Variants in OTUD7A observed in about 807,000 individuals in gnomAD.
The protein encoded by OTUD7A is OTU deubiquitinase 7A.
A neutral mutation model predicts 65.7 loss-of-function variants in OTUD7A; 12 were observed. The ratio of observed to expected loss-of-function variants is 0.18; its 90% confidence interval spans 0.12 to 0.30. The LOEUF (loss-of-function observed/expected upper bound fraction) is 0.30, where lower values mean the gene tolerates loss of function less well. OTUD7A is among the 10% of genes least tolerant of loss of function. The pLI is 1.00. For missense variants in OTUD7A, 1,148 were observed against 1,304.8 expected (o/e 0.88, Z 1.85); for synonymous variants, 641 against 586.3 (o/e 1.09, Z -1.35).
At chr15:31,621,153 T>C (rs7167765) in intron 3 of OTUD7A, among the ~76,000 whole-genome samples, 90,119 of 151,038 alleles carry the variant, frequency 0.6, 28,930 homozygotes, top group East Asian at 0.91. Flanking sequence ...AATTTCTGTT[T>C]TTTTACATTT....
chr15:31,483,589 G>A lies in OTUD7A; in HGVS notation c.2507C>T (p.Ala836Val). The A allele has an allele frequency of 8.1e-7, 1 of 1,232,436 alleles. No individual in the cohort carries two copies. 76.3% of individuals were successfully genotyped at this position (1,232,436 alleles called of 1,614,324 possible). The change falls in exon 13 of 13, where the codon GCG becomes GTG. Residue 836 changes from alanine to valine, a missense_variant. This residue lies in a region of OTUD7A where 842 missense variants were observed against 769.5 expected (regional missense o/e 1.09). Transcript: ENST00000307050. ...TVNTVESLARAVPGALPGAAG... is the reference protein window; with the variant it reads ...TVNTVESLARVVPGALPGAAG... ...CGCGCCCGGTAGGGCCCCGGGCACC[G>A]CGCGCGCCAGCGACTCGACCGTGTT...
In OTUD7A at chr15:31,592,853, C is replaced by G. The variant is rs368892950; in HGVS notation, c.152-22656G>C. On this transcript the variant is annotated intron_variant, in intron 3 of 12. Coordinates refer to ENST00000307050, the MANE Select transcript of OTUD7A (RefSeq NM_001382637.1). ...CGAGATCGTGCCCCTGCGCTCCAGC[C>G]TGGGTGACAGAGCAAGGCTCTGTCT... Among the ~76,000 whole-genome samples the G allele has an allele frequency of 7.6e-4, 83 of 109,264 alleles. 1 individual carries two copies. Among genetic ancestry groups the G allele is most frequent in the African/African-American group, 2.6e-3 (70 of 27,286 alleles). 71.7% of individuals were successfully genotyped at this position (109,264 alleles called of 152,430 possible). A position where few individuals can be genotyped will look rare whatever the true frequency, so the allele number is the denominator to read the frequency against.
At position 31,481,011 on chromosome 15, in the gene OTUD7A, C is replaced by T. The variant is rs2041109525; in HGVS notation, c.*2283G>A. On this transcript the variant is annotated 3_prime_UTR_variant, in exon 13 of 13. Coordinates refer to ENST00000307050, the MANE Select transcript of OTUD7A (RefSeq NM_001382637.1). ...GGTGTTTTGATAATTACGTACTCTG[C>T]CTGGTTTGGAAGGTTTTCCTCTATT... 6.6e-6 allele frequency: 1 copy of T among 152,150 alleles called. No homozygotes were observed. Among genetic ancestry groups the T allele is most frequent in the Admixed American group, 6.5e-5 (1 of 15,276 alleles). 9.4% of individuals were successfully genotyped at this position (152,150 alleles called of 1,614,324 possible).
At chr15:31,548,198 A>AC (rs1356882233) in intron 5 of OTUD7A, among the ~76,000 whole-genome samples, 1 of 66,352 alleles carries the variant, frequency 1.5e-5, no homozygotes, top group Non-Finnish European at 4.8e-5. Context: ...CTCCCGGGCC[A>AC]CCCCCATCAT....
At chr15:31,740,595 A>G (rs529415694) in intron 1 of OTUD7A, among the ~76,000 whole-genome samples, 1 of 152,230 alleles carries the variant, frequency 6.6e-6, no homozygotes, top group Admixed American at 6.5e-5. Flanking sequence ...ATTGGTTTAA[A>G]AAAGAATCCA....
intron 1 of OTUD7A, among the ~76,000 whole-genome samples, chr15:31,681,658 ACTGT>A (rs1397801294): frequency 1.3e-5 from 2 of 151,562 alleles, no homozygotes; most frequent in Non-Finnish European, 2.9e-5. Context: ...TCTAATAATG[ACTGT>A]CTAATTTCTC....
intron 1 of OTUD7A, among the ~76,000 whole-genome samples, chr15:31,726,543 A>G (rs1036507395): frequency 1.9e-4 from 29 of 152,218 alleles, no homozygotes; most frequent in African/African-American, 6.0e-4. Context: ...TACGGACAGA[A>G]TGTTATTGTA....
chr15:31,663,964 G>T (rs1892246975), intron 1 of OTUD7A, among the ~76,000 whole-genome samples: 1 of 152,096 alleles, frequency 6.6e-6, no homozygotes, highest in African/African-American at 2.4e-5. Flanking sequence ...TAGAATAATA[G>T]TCTCCAGTCT....
chr15:31,524,350 C>A (rs1265603943), intron 8 of OTUD7A, among the ~76,000 whole-genome samples: 1 of 151,884 alleles, frequency 6.6e-6, no homozygotes, highest in South Asian at 2.1e-4. Context: ...AATGATCAGA[C>A]CAAATTTTGA....
At chr15:31,490,590 A>G (rs2041305647) in intron 10 of OTUD7A, among the ~76,000 whole-genome samples, 1 of 152,238 alleles carries the variant, frequency 6.6e-6, no homozygotes, top group Non-Finnish European at 1.5e-5. Flanking sequence ...ACATGAGCTT[A>G]AGAAGGGCCA....
rs1355482696 is a variant in OTUD7A at position 31,577,497 on chromosome 15, C to T, written c.152-7300G>A. 2.0e-5 allele frequency among the ~76,000 whole-genome samples: 3 copies of T among 152,254 alleles called. No individual in the cohort carries two copies. In the South Asian group the frequency reaches 6.2e-4, roughly 32 times the overall value. Reference sequence around the variant, plus strand: ...GCCTTTCTAAGCATCTTTGAGACGTCCCACCTTTTTAAGCTGAACCAATGT... The same window carrying T: ...GCCTTTCTAAGCATCTTTGAGACGTTCCACCTTTTTAAGCTGAACCAATGT... On this transcript the variant is annotated intron_variant, in intron 3 of 12. Transcript: ENST00000307050.
At chr15:31,838,974 T>C (rs1215486576) in intron 1 of OTUD7A, among the ~76,000 whole-genome samples, 1 of 152,196 alleles carries the variant, frequency 6.6e-6, no homozygotes, top group Non-Finnish European at 1.5e-5. Flanking sequence ...ACAGATCCGA[T>C]GGACTGGAGG....
chr15:31,478,762 C>T lies in OTUD7A; in HGVS notation c.*4532G>A, dbSNP rs2041065607. On this transcript the variant is annotated 3_prime_UTR_variant, in exon 13 of 13. Coordinates refer to ENST00000307050, the MANE Select transcript of OTUD7A (RefSeq NM_001382637.1). ...GCTAACAGGCCAATTTGCACAGTGC[C>T]CGGAGCTGTCTTTTGTGACAGAAGC... 6.6e-6 allele frequency: 1 copy of T among 152,232 alleles called. No individual in the cohort carries two copies. Among genetic ancestry groups the T allele is most frequent in the African/African-American group, 2.4e-5 (1 of 41,428 alleles). The allele number at this position is 152,232 out of a possible 1,614,324, so 9.4% of individuals were successfully genotyped here.
intron 1 of OTUD7A, among the ~76,000 whole-genome samples, chr15:31,835,328 T>C (rs928541434): frequency 3.3e-5 from 5 of 152,268 alleles, no homozygotes; most frequent in Admixed American, 3.3e-4. Flanking sequence ...AAACCATTAT[T>C]CATTATTCAT....
intron 8 of OTUD7A, among the ~76,000 whole-genome samples, chr15:31,520,010 A>G (rs1384040817): frequency 6.6e-6 from 1 of 152,214 alleles, no homozygotes; most frequent in African/African-American, 2.4e-5. Flanking sequence ...AATGAATGGA[A>G]AAACATCCCA....
chr15:31,607,528 A>C (rs1019700835), intron 3 of OTUD7A, among the ~76,000 whole-genome samples: 1 of 152,194 alleles, frequency 6.6e-6, no homozygotes, highest in African/African-American at 2.4e-5. Context: ...GCCTAAAATT[A>C]TATCTCAAAA....
At chr15:31,569,213 C>G (rs1293096296) in intron 4 of OTUD7A, among the ~76,000 whole-genome samples, 1 of 152,174 alleles carries the variant, frequency 6.6e-6, no homozygotes, top group Non-Finnish European at 1.5e-5. Flanking sequence ...ACAAAAGCAC[C>G]AGTATGTAAG....
chr15:31,540,447 G>A (rs931688247), intron 5 of OTUD7A, among the ~76,000 whole-genome samples: 7 of 152,184 alleles, frequency 4.6e-5, no homozygotes, highest in African/African-American at 1.7e-4. Context: ...CCAGCAGACT[G>A]GTTAGGCACA....
chr15:31,554,954 T>C (rs1347947312), intron 5 of OTUD7A, among the ~76,000 whole-genome samples: 1 of 150,846 alleles, frequency 6.6e-6, no homozygotes, highest in African/African-American at 2.4e-5. Flanking sequence ...GAGGTGGGAG[T>C]GGGTTGTGTT....
Sources: gnomAD v4.1 joint callset for allele counts (sites outside exome capture counted in the v4.1 genomes callset) on GRCh38, gnomAD v4.1.1 for gene constraint, gnomAD v4.1.1 regional missense constraint, MANE v1.5 for transcripts, NCBI Gene and HGNC (gene_info 2026-07-23, HGNC 2026-07-21) for gene names.